The following BFSP2 variants were observed in gnomAD, a reference collection of about 807,000 sequenced individuals.
BFSP2 encodes the protein phakinin.
Under a neutral mutation model 44.9 loss-of-function variants are expected in BFSP2, and 38 were observed. That is an observed-to-expected ratio of 0.85 (90% confidence interval 0.65 to 1.11). The LOEUF (loss-of-function observed/expected upper bound fraction) is 1.11, where lower values mean the gene tolerates loss of function less well. BFSP2 is among the 50% of genes least tolerant of loss of function. The pLI is 0.00. For missense variants in BFSP2, 525 were observed against 533.0 expected, an observed-to-expected ratio of 0.99 and a Z score of 0.15; for synonymous variants, 197 against 209.9, an observed-to-expected ratio of 0.94 and a Z score of 0.53.
At chr3:133,442,548 T>C (rs2073855282) in intron 1 of BFSP2, among the ~76,000 whole-genome samples, 1 of 152,116 alleles carries the variant, frequency 6.6e-6, no homozygotes, top group Non-Finnish European at 1.5e-5. Flanking sequence ...GCAGAATGCA[T>C]TGGAGGAGGG....
intron 6 of BFSP2, among the ~76,000 whole-genome samples, chr3:133,474,521 T>G (rs1232299881): frequency 2.0e-5 from 3 of 152,256 alleles, no homozygotes; most frequent in African/African-American, 7.2e-5. Flanking sequence ...GAATTGATTT[T>G]TGTTGATTAT....
At chr3:133,448,777 A>C (rs1399572300) in intron 3 of BFSP2, 132 bp downstream of exon 3, 4 of 1,205,194 alleles carry the variant, frequency 3.3e-6, no homozygotes, top group Non-Finnish European at 4.7e-6. Context: ...TGCAGGGAAC[A>C]TACCTGTAAA....
At chr3:133,438,247 C>T (rs546113965) in intron 1 of BFSP2, among the ~76,000 whole-genome samples, 2 of 152,350 alleles carry the variant, frequency 1.3e-5, no homozygotes, top group African/African-American at 4.8e-5. Context: ...AACAGTAAGG[C>T]CAGGCACGGT....
At chr3:133,454,390 T>C (rs572977142) in intron 4 of BFSP2, among the ~76,000 whole-genome samples, 1 of 152,300 alleles carries the variant, frequency 6.6e-6, no homozygotes, top group South Asian at 2.1e-4. Flanking sequence ...ACACCAAATA[T>C]GTAGGTTTGT....
At chr3:133,456,732 C>T (rs888757111) in intron 4 of BFSP2, among the ~76,000 whole-genome samples, 3 of 152,174 alleles carry the variant, frequency 2.0e-5, no homozygotes, top group African/African-American at 7.2e-5. Context: ...GCCTGGACAA[C>T]AGAGTGAGAC....
At chr3:133,446,950 G>A (rs1339575837) in intron 1 of BFSP2, among the ~76,000 whole-genome samples, 1 of 151,804 alleles carries the variant, frequency 6.6e-6, no homozygotes, top group Non-Finnish European at 1.5e-5. Flanking sequence ...TCCATGACCA[G>A]AAATTTTAAG....
intron 1 of BFSP2, among the ~76,000 whole-genome samples, chr3:133,406,470 G>A (rs2073406110): frequency 6.6e-6 from 1 of 152,160 alleles, no homozygotes; most frequent in Non-Finnish European, 1.5e-5. Flanking sequence ...GACAGGGGGT[G>A]GGGTCAGTTT....
At chr3:133,416,504 G>C (rs1576563084) in intron 1 of BFSP2, among the ~76,000 whole-genome samples, 1 of 130,782 alleles carries the variant, frequency 7.6e-6, no homozygotes, top group Non-Finnish European at 1.6e-5. Context: ...TCCTGTGTCT[G>C]CCCTCTACTG....
At chr3:133,428,945 C>A (rs9853488) in intron 1 of BFSP2, among the ~76,000 whole-genome samples, 13 of 152,116 alleles carry the variant, frequency 8.5e-5, no homozygotes, top group Non-Finnish European at 1.6e-4. Context: ...CGATCTCATT[C>A]TGTTCTTAAT....
At chr3:133,406,739 G>A (rs986098107) in intron 1 of BFSP2, among the ~76,000 whole-genome samples, 3 of 152,206 alleles carry the variant, frequency 2.0e-5, no homozygotes, top group South Asian at 2.1e-4. Flanking sequence ...GCTCTCTCTC[G>A]TTGGTTAGAG....
Position 133,448,497 on chromosome 3 carries a change from A to G in BFSP2, c.581A>G (p.Asn194Ser), listed in dbSNP as rs1390027212. The G allele has an allele frequency of 6.2e-7, 1 of 1,613,950 alleles. No individual in the cohort carries two copies. Among genetic ancestry groups the G allele is most frequent in the Admixed American group, 1.7e-5 (1 of 60,030 alleles). The change falls in exon 3 of 7, where the codon AAT becomes AGT. Residue 194 changes from asparagine to serine, a missense_variant. Asn to Ser is a conservative substitution (Grantham distance 46). Transcript: ENST00000302334. ...GADDFKERYE[N>S]EQPFRKAAEE... ...AGTTCCTTTATCTGCAGATATGAAA[A>G]TGAGCAGCCATTTCGAAAGGCGGCA... is the stretch of plus-strand genomic sequence containing the variant.
chr3:133,414,115 TCTA>T, intron 1 of BFSP2, among the ~76,000 whole-genome samples: 1 of 50,116 alleles, frequency 2.0e-5, no homozygotes, highest in Non-Finnish European at 3.8e-5. Flanking sequence ...TCCTCTCCCC[TCTA>T]CTCACCCCGT....
At chr3:133,431,992 T>TCC (rs754552199) in intron 1 of BFSP2, among the ~76,000 whole-genome samples, 1 of 151,586 alleles carries the variant, frequency 6.6e-6, no homozygotes. Flanking sequence ...TCCTCTCATA[T>TCC]CCCCCCACCT....
intron 4 of BFSP2, among the ~76,000 whole-genome samples, chr3:133,462,561 A>T (rs977619752): frequency 2.6e-5 from 4 of 152,220 alleles, no homozygotes; most frequent in African/African-American, 9.6e-5. Context: ...AGTGATGGTA[A>T]ATGTTTCACA....
Position 133,466,939 on chromosome 3 carries a change from A to G in BFSP2, c.1003A>G (p.Thr335Ala). The G allele has an allele frequency of 4.3e-6, 7 of 1,614,086 alleles. No homozygotes were observed. Among genetic ancestry groups the G allele is most frequent in the Non-Finnish European group, 5.9e-6 (7 of 1,180,000 alleles). Residue 335 changes from threonine to alanine, a missense_variant, in exon 5 of 7, where the codon ACA (threonine) becomes GCA (alanine). Thr to Ala is a moderately conservative substitution (Grantham distance 58). Transcript: ENST00000302334. ...CCAAGTCCAGAGCCTCCAGGCTGAG[A>G]CAGAATCCTTACGTGCCCTGGTAAG... ...SCQVQSLQAE[T>A]ESLRALKRGL...
chr3:133,454,811 C>T (rs1435497462), intron 4 of BFSP2, among the ~76,000 whole-genome samples: 1 of 152,184 alleles, frequency 6.6e-6, no homozygotes, highest in Non-Finnish European at 1.5e-5. Context: ...AATGCAAACA[C>T]GTCATACAGC....
At chr3:133,450,016 A>AG (rs2073945218) in intron 3 of BFSP2, among the ~76,000 whole-genome samples, 2 of 93,280 alleles carry the variant, frequency 2.1e-5, no homozygotes, top group African/African-American at 8.9e-5. Flanking sequence ...GAAGGAAGGA[A>AG]GGAGGGAGGG....
intron 1 of BFSP2, among the ~76,000 whole-genome samples, chr3:133,428,566 C>G (rs1275324086): frequency 1.3e-5 from 2 of 152,076 alleles, no homozygotes; most frequent in Non-Finnish European, 2.9e-5. Context: ...CACCTGTGAT[C>G]TGCCGTAAGC....
chr3:133,447,438 C>A lies in BFSP2; in HGVS notation c.572+39C>A, dbSNP rs751770691. ...GCAGAGGCGACAGTCCCTCCACATC[C>A]CTAGACTCCTAGGCAAGTGTGGATA... On this transcript the variant is annotated intron_variant, in intron 2 of 6. Transcript: ENST00000302334. 6.9e-6 allele frequency: 11 copies of A among 1,585,780 alleles called. No individual in the cohort carries two copies. In the South Asian group the frequency reaches 1.2e-4, roughly 18 times the overall value.
Sources: allele counts gnomAD v4.1 joint callset (sites outside exome capture counted in the v4.1 genomes callset), GRCh38; gene constraint gnomAD v4.1.1; transcripts MANE v1.5; gene names NCBI Gene and HGNC (gene_info 2026-07-23, HGNC 2026-07-21).